CAMK2B: variants seen among roughly 807,000 people sequenced by gnomAD.
The protein encoded by CAMK2B is calcium/calmodulin-dependent protein kinase type II subunit beta.
CAMK2B carries 27 observed loss-of-function variants against 93.7 expected under a neutral mutation model. That is an observed-to-expected ratio of 0.29 (90% confidence interval 0.21 to 0.40). The LOEUF (loss-of-function observed/expected upper bound fraction) is 0.40, where lower values mean the gene tolerates loss of function less well. CAMK2B is among the 10% of genes least tolerant of loss of function. The probability of loss-of-function intolerance (pLI) is 1.00; values close to 1 mark genes in which losing one functional copy is unlikely to be tolerated. For missense variants in CAMK2B, 568 were observed against 895.8 expected (o/e 0.63, Z 4.67); for synonymous variants, 374 against 358.8 (o/e 1.04, Z -0.48).
intron 1 of CAMK2B, among the ~76,000 whole-genome samples, chr7:44,304,428 G>C (rs1411867369): frequency 6.6e-6 from 1 of 152,164 alleles, no homozygotes; most frequent in African/African-American, 2.4e-5. Flanking sequence ...GAACTATCAA[G>C]CTACACAAAG....
intron 1 of CAMK2B, among the ~76,000 whole-genome samples, chr7:44,319,393 A>G (rs1464339983): frequency 6.6e-6 from 1 of 152,186 alleles, no homozygotes; most frequent in African/African-American, 2.4e-5. Flanking sequence ...AGGCCAATGG[A>G]GCAAAAATGA....
At chr7:44,298,024 T>C (rs1683619602) in intron 1 of CAMK2B, among the ~76,000 whole-genome samples, 1 of 152,186 alleles carries the variant, frequency 6.6e-6, no homozygotes, top group African/African-American at 2.4e-5. Context: ...CTCAGGAGGC[T>C]GAGGCAGGAG....
At position 44,325,504 on chromosome 7, in the gene CAMK2B, ACACGGG is replaced by A. The variant is rs1238363406; in HGVS notation, c.-89_-84del. 1 of 874,546 alleles carries A rather than the reference ACACGGG, an allele frequency of 1.1e-6. No homozygotes were observed. The highest frequency in any genetic ancestry group is 1.4e-6 in the Non-Finnish European group (1 of 726,188). 54.2% of individuals were successfully genotyped at this position (874,546 alleles called of 1,614,324 possible). A position where few individuals can be genotyped will look rare whatever the true frequency, so the allele number is the denominator to read the frequency against. On this transcript the variant is annotated 5_prime_UTR_variant, in exon 1 of 24. Transcript: ENST00000395749. ...GCTCCCGCTCGCGGGCACGGCGGCG[ACACGGG>A]CGCGGGCGCGGGAGACACCTCGGCT...
chr7:44,234,130 T>C (rs1156534401), intron 15 of CAMK2B, among the ~76,000 whole-genome samples: 1 of 152,202 alleles, frequency 6.6e-6, no homozygotes, highest in Non-Finnish European at 1.5e-5. Flanking sequence ...GCCTCTCCCC[T>C]GCACCCCAAC....
chr7:44,254,711 C>T, intron 4 of CAMK2B, 104 bp from the exon 5 acceptor site: 1 of 635,496 alleles, frequency 1.6e-6, no homozygotes, highest in Non-Finnish European at 2.7e-6. Flanking sequence ...TCATCACCAT[C>T]ACTCCCATCA....
intron 2 of CAMK2B, among the ~76,000 whole-genome samples, chr7:44,267,234 T>C (rs576784664): frequency 6.6e-6 from 1 of 152,232 alleles, no homozygotes; most frequent in Non-Finnish European, 1.5e-5. Flanking sequence ...GCCAAGGTCT[T>C]GGGGTTCCAG....
At chr7:44,322,771 TG>T (rs1264751937) in intron 1 of CAMK2B, among the ~76,000 whole-genome samples, 1 of 152,100 alleles carries the variant, frequency 6.6e-6, no homozygotes, top group African/African-American at 2.4e-5. Context: ...CAGAAAAGGA[TG>T]GGGCAAGGGA....
chr7:44,320,719 G>A (rs575369181), intron 1 of CAMK2B, among the ~76,000 whole-genome samples: 10 of 152,284 alleles, frequency 6.6e-5, no homozygotes, highest in South Asian at 6.2e-4. Flanking sequence ...CAGCATGTGC[G>A]ACTTCTTTTT....
chr7:44,244,936 A>C (rs779232932), intron 6 of CAMK2B: 1 of 456,156 alleles, frequency 2.2e-6, no homozygotes, highest in South Asian at 1.6e-5. Flanking sequence ...ATCCGTGTCC[A>C]CCGAGCACCA....
At chr7:44,226,495 G>T in intron 20 of CAMK2B, 21 bp downstream of exon 20, 1 of 1,392,294 alleles carries the variant, frequency 7.2e-7, no homozygotes, top group Non-Finnish European at 9.3e-7. Flanking sequence ...CGCTGCCACG[G>T]CCACTCAAGG....
chr7:44,305,928 G>A (rs187052587), intron 1 of CAMK2B, among the ~76,000 whole-genome samples: 34 of 151,414 alleles, frequency 2.2e-4, no homozygotes, highest in African/African-American at 8.0e-4. Context: ...CACAGAAATG[G>A]GCAAACACCA....
At chr7:44,308,680 G>A (rs770521040) in intron 1 of CAMK2B, among the ~76,000 whole-genome samples, 13 of 152,144 alleles carry the variant, frequency 8.5e-5, no homozygotes, top group South Asian at 4.1e-4. Context: ...AGGGAGGTGC[G>A]GGCCCCCCAT....
chr7:44,288,077 T>C (rs1341555644), intron 1 of CAMK2B, among the ~76,000 whole-genome samples: 1 of 152,110 alleles, frequency 6.6e-6, no homozygotes, highest in Non-Finnish European at 1.5e-5. Context: ...GAGCGGCCCC[T>C]AGAGTGTCCC....
Position 44,229,491 on chromosome 7 carries a change from G to T in CAMK2B, c.1236C>A (p.Val412=). The change falls in exon 18 of 24, where the codon GTC becomes GTA. Residue 412 remains valine, a synonymous_variant. Coordinates refer to ENST00000395749, the MANE Select transcript of CAMK2B (RefSeq NM_001220.5). The part of the protein sequence containing the change: ...IEDEDAKAPR[V]PDILSSVRRG... ...TCCTCACTGAGCTCAGGATGTCGGG[G>T]ACCCTGGGGGCTGAGGCGGAACAGG... 7.0e-7 allele frequency: 1 copy of T among 1,438,496 alleles called. No individual in the cohort carries two copies. Among genetic ancestry groups the T allele is most frequent in the Non-Finnish European group, 9.1e-7 (1 of 1,094,536 alleles). The allele number at this position is 1,438,496 out of a possible 1,614,324, so 89.1% of individuals were successfully genotyped here.
chr7:44,254,099 C>A (rs934604182), intron 5 of CAMK2B, among the ~76,000 whole-genome samples: 1 of 152,094 alleles, frequency 6.6e-6, no homozygotes, highest in Non-Finnish European at 1.5e-5. Flanking sequence ...AGGGACAGGG[C>A]CCTGTCACCT....
intron 1 of CAMK2B, among the ~76,000 whole-genome samples, chr7:44,301,294 TG>T (rs920214117): frequency 5.3e-5 from 8 of 152,090 alleles, no homozygotes; most frequent in African/African-American, 1.9e-4. Flanking sequence ...TGCCCTGTGA[TG>T]TTTTTTGTTT....
rs1048182584 is a variant in CAMK2B, at chr7:44,286,865, T to A, written c.66-2640A>T. On this transcript the variant is annotated intron_variant, in intron 1 of 23. Coordinates refer to ENST00000395749, the MANE Select transcript of CAMK2B (RefSeq NM_001220.5). The surrounding 1 kb of genome is among the most constrained non-coding windows in gnomAD (Gnocchi z 4.0). ...ATGGCTGGGGGCCTCGGGATGAGTG[T>A]GGAGTGGGAGCACCAGGCCGCACAG... Among the ~76,000 whole-genome samples the A allele has an allele frequency of 6.6e-6, 1 of 151,762 alleles. No individual in the cohort carries two copies. Among genetic ancestry groups the A allele is most frequent in the African/African-American group, 2.4e-5 (1 of 41,292 alleles).
chr7:44,325,321 G>T, intron 1 of CAMK2B, 36 bp downstream of exon 1: 3 of 1,185,254 alleles, frequency 2.5e-6, no homozygotes, highest in Non-Finnish European at 3.2e-6. Flanking sequence ...GCCCTCTGGG[G>T]TCCCCGGCCC....
chr7:44,226,134 C>T (rs980993682), intron 20 of CAMK2B, among the ~76,000 whole-genome samples: 5 of 152,206 alleles, frequency 3.3e-5, no homozygotes, highest in Admixed American at 6.5e-5. Flanking sequence ...CCCGGCCCAG[C>T]AGGTCCACCT....
Sources: gnomAD v4.1 joint callset for allele counts (sites outside exome capture counted in the v4.1 genomes callset) on GRCh38, gnomAD v4.1.1 for gene constraint, Gnocchi (gnomAD v3.1) non-coding constraint, MANE v1.5 for transcripts, NCBI Gene and HGNC (gene_info 2026-07-23, HGNC 2026-07-21) for gene names.